CALCRL: variants seen among roughly 807,000 people sequenced by gnomAD.
CALCRL encodes calcitonin receptor like receptor, also known as calcitonin gene-related peptide type 1 receptor.
CALCRL carries 27 observed loss-of-function variants against 60.4 expected under a neutral mutation model. The observed-to-expected ratio is 0.45, with a 90% CI of 0.33 to 0.62. The LOEUF is 0.62. Among genes scored for constraint, CALCRL ranks in the 20% least tolerant of loss-of-function variants. CALCRL has a pLI of 0.03. For synonymous variants in CALCRL, 190 were observed against 182.6 expected, an observed-to-expected ratio of 1.04 and a Z score of -0.33; for missense variants, 424 against 540.7, an observed-to-expected ratio of 0.78 and a Z score of 2.14.
In CALCRL at chr2:187,380,459, T is replaced by G. The variant is rs770199064; in HGVS notation, c.408+8A>C. 2.0e-6 allele frequency: 3 copies of G among 1,497,436 alleles called. No individual in the cohort carries two copies. Among genetic ancestry groups the G allele is most frequent in the Non-Finnish European group, 2.8e-6 (3 of 1,074,530 alleles). The allele number at this position is 1,497,436 out of a possible 1,614,324, so 92.8% of individuals were successfully genotyped here. ...TAAGTTAAATTTCAATTCAGAATTA[T>G]GACATACCTTCACTTTCTCGTGGGT... On this transcript the variant is annotated splice_region_variant and intron_variant, in intron 7 of 14. Coordinates refer to ENST00000392370, the MANE Select transcript of CALCRL (RefSeq NM_005795.6).
rs191200249 is a variant in CALCRL at position 187,431,215 on chromosome 2, T to C, written c.-293+16824A>G. 296 of 154,936 alleles carry C rather than the reference T, an allele frequency of 1.9e-3. 4 individuals carry two copies. The highest frequency in any genetic ancestry group is 6.8e-3 in the African/African-American group (284 of 41,654). 9.6% of individuals were successfully genotyped at this position (154,936 alleles called of 1,614,324 possible). A position where few individuals can be genotyped will look rare whatever the true frequency, so the allele number is the denominator to read the frequency against. ...GAAATATTTCTTACTATTGTTAACA[T>C]GGTCTTATCCTCAGCTTTACTGGAA... On this transcript the variant is annotated intron_variant, in intron 1 of 14. Coordinates refer to ENST00000392370, the MANE Select transcript of CALCRL (RefSeq NM_005795.6).
intron 8 of CALCRL, among the ~76,000 whole-genome samples, chr2:187,377,007 C>T (rs564786433): frequency 4.3e-4 from 65 of 151,926 alleles, no homozygotes; most frequent in African/African-American, 1.4e-3. Context: ...GTAAGTAATT[C>T]GGGAAGATTT....
Position 187,379,452 on chromosome 2 carries a change from C to T in CALCRL, c.409-421G>A, listed in dbSNP as rs550861073. 1.5e-4 allele frequency among the ~76,000 whole-genome samples: 23 copies of T among 152,122 alleles called. No homozygotes were observed. In the South Asian group the frequency reaches 4.4e-3, roughly 29 times the overall value. On this transcript the variant is annotated intron_variant, in intron 7 of 14. Coordinates refer to ENST00000392370, the MANE Select transcript of CALCRL (RefSeq NM_005795.6). The stretch of plus-strand genomic sequence containing the variant: ...AAAGGTTTATTTTCAAACTGAGTTT[C>T]TTTTTCCTTTGACAAATTTGAAGCT...
chr2:187,397,841 G>C lies in CALCRL; in HGVS notation c.-292-10085C>G, dbSNP rs555596437. ...CACTTATTTTAAATTGGTTATAATA[G>C]CCTTTCCTAACACTGTACTGGAACA... On this transcript the variant is annotated intron_variant, in intron 1 of 14. Transcript: ENST00000392370. Among the ~76,000 whole-genome samples, 6 of 151,720 alleles carry C rather than the reference G, an allele frequency of 4.0e-5. No individual in the cohort carries two copies. In the South Asian group the frequency reaches 8.3e-4, roughly 21 times the overall value.
intron 1 of CALCRL, among the ~76,000 whole-genome samples, chr2:187,416,504 A>G (rs201092370): frequency 1.3e-5 from 2 of 152,152 alleles, no homozygotes; most frequent in East Asian, 3.9e-4. Flanking sequence ...TACATGAAAA[A>G]GGAGAAAAAA....
intron 1 of CALCRL, among the ~76,000 whole-genome samples, chr2:187,408,514 G>A (rs748443119): frequency 1.7e-4 from 26 of 151,846 alleles, no homozygotes; most frequent in Non-Finnish European, 2.4e-4. Flanking sequence ...AAAACATTAC[G>A]ATGATACAGA....
chr2:187,422,707 A>G (rs16829012), intron 1 of CALCRL, among the ~76,000 whole-genome samples: 11,296 of 152,064 alleles, frequency 0.074, 544 homozygotes, highest in East Asian at 0.19. Flanking sequence ...AGAAATTATC[A>G]GCAACATTGT....
At chr2:187,431,688 A>G (rs1476724629) in intron 1 of CALCRL, among the ~76,000 whole-genome samples, 1 of 151,910 alleles carries the variant, frequency 6.6e-6, no homozygotes, top group East Asian at 1.9e-4. Flanking sequence ...TGTGTAATCT[A>G]TGTATGAATG....
intron 8 of CALCRL, among the ~76,000 whole-genome samples, chr2:187,376,268 T>C (rs1456831938): frequency 6.6e-6 from 1 of 152,100 alleles, no homozygotes. Context: ...AATTGAGCTA[T>C]TTTTTTCTCT....
intron 1 of CALCRL, among the ~76,000 whole-genome samples, chr2:187,442,932 A>T (rs1402631676): frequency 6.6e-6 from 1 of 151,920 alleles, no homozygotes; most frequent in Admixed American, 6.6e-5. Context: ...TAGGATGTAG[A>T]TTCATAATAT....
intron 1 of CALCRL, among the ~76,000 whole-genome samples, chr2:187,409,038 CCTT>C (rs1486173440): frequency 5.9e-5 from 9 of 152,130 alleles, no homozygotes; most frequent in Admixed American, 3.9e-4. Flanking sequence ...TGAAGTCTTT[CCTT>C]CTTCTTCCCT....
At chr2:187,371,721 G>C (rs1687531621) in intron 8 of CALCRL, among the ~76,000 whole-genome samples, 1 of 125,148 alleles carries the variant, frequency 8.0e-6, no homozygotes, top group Non-Finnish European at 1.7e-5. Flanking sequence ...GGGCGACAGA[G>C]CAAGACTCCA....
chr2:187,360,372 G>GA (rs1686999281), intron 10 of CALCRL, among the ~76,000 whole-genome samples: 1 of 151,674 alleles, frequency 6.6e-6, no homozygotes, highest in South Asian at 2.1e-4. Context: ...ATATTCAATA[G>GA]AAAAAAAGAC....
At chr2:187,351,986 T>C in intron 13 of CALCRL, 25 bp from the exon 14 acceptor site, 1 of 1,587,288 alleles carries the variant, frequency 6.3e-7, no homozygotes, top group Non-Finnish European at 8.6e-7. Flanking sequence ...TAGAATGATC[T>C]GAATCCAAAT....
chr2:187,418,333 C>T (rs897795907), intron 1 of CALCRL, among the ~76,000 whole-genome samples: 16 of 152,030 alleles, frequency 1.1e-4, no homozygotes, highest in Non-Finnish European at 2.9e-5. Flanking sequence ...AAAAATAGAG[C>T]GTTCTAAAAA....
At chr2:187,406,531 A>G (rs1689135847) in intron 1 of CALCRL, among the ~76,000 whole-genome samples, 1 of 152,090 alleles carries the variant, frequency 6.6e-6, no homozygotes, top group Admixed American at 6.6e-5. Flanking sequence ...TAAAGAAAAT[A>G]AAAGAAAAGG....
At chr2:187,410,157 A>G (rs1689298056) in intron 1 of CALCRL, among the ~76,000 whole-genome samples, 2 of 152,160 alleles carry the variant, frequency 1.3e-5, no homozygotes, top group Admixed American at 1.3e-4. Flanking sequence ...GGTTTTGTAA[A>G]GTCAGAAAAT....
chr2:187,350,056 A>G (rs1315753688), intron 14 of CALCRL, among the ~76,000 whole-genome samples: 2 of 151,656 alleles, frequency 1.3e-5, no homozygotes, highest in Admixed American at 1.3e-4. Flanking sequence ...GAAATTTGCC[A>G]GCATTTGCCA....
At chr2:187,409,929 C>T (rs1165853086) in intron 1 of CALCRL, among the ~76,000 whole-genome samples, 1 of 152,150 alleles carries the variant, frequency 6.6e-6, no homozygotes, top group Non-Finnish European at 1.5e-5. Context: ...AGGGAGAGAG[C>T]TGTGTCAGGT....
Sources: allele counts gnomAD v4.1 joint callset (sites outside exome capture counted in the v4.1 genomes callset), GRCh38; gene constraint gnomAD v4.1.1; transcripts MANE v1.5; gene names NCBI Gene and HGNC (gene_info 2026-07-23, HGNC 2026-07-21).